TAFA2: variants seen among roughly 807,000 people sequenced by gnomAD.
TAFA2 encodes TAFA chemokine like family member 2.
In TAFA2, 7 loss-of-function variants were observed where a neutral mutation model predicts 18.8. That is an observed-to-expected ratio of 0.37 (90% confidence interval 0.21 to 0.70). The LOEUF (loss-of-function observed/expected upper bound fraction) is 0.70, where lower values mean the gene tolerates loss of function less well. Among genes scored for constraint, TAFA2 ranks in the 30% least tolerant of loss-of-function variants. The pLI is 0.53. For missense variants in TAFA2, 122 were observed against 158.1 expected (o/e 0.77, Z 1.23); for synonymous variants, 60 against 54.2 (o/e 1.11, Z -0.47).
At chr12:61,753,497 GA>G in intron 4 of TAFA2, 124 bp downstream of exon 4, 4 of 852,242 alleles carry the variant, frequency 4.7e-6, no homozygotes, top group Non-Finnish European at 7.0e-6. Flanking sequence ...AAAAAATGGG[GA>G]AAACATATCT....
intron 2 of TAFA2, among the ~76,000 whole-genome samples, chr12:61,842,887 T>C (rs1445486613): frequency 6.6e-6 from 1 of 152,040 alleles, no homozygotes; most frequent in African/African-American, 2.4e-5. Context: ...AATCTTTACT[T>C]AATATTGAAA....
intron 1 of TAFA2, among the ~76,000 whole-genome samples, chr12:62,032,641 A>G (rs1014502152): frequency 3.3e-5 from 5 of 151,970 alleles, no homozygotes; most frequent in Admixed American, 2.6e-4. Context: ...TTTTCCAGAA[A>G]CAACCCTCAT....
chr12:61,807,110 T>G (rs923502267), intron 2 of TAFA2, among the ~76,000 whole-genome samples: 1 of 148,960 alleles, frequency 6.7e-6, no homozygotes, highest in Admixed American at 6.6e-5. Context: ...GTCAGACGTC[T>G]TCATAGCAGG....
intron 2 of TAFA2, among the ~76,000 whole-genome samples, chr12:61,787,028 C>A (rs1415411337): frequency 1.9e-4 from 29 of 151,424 alleles, no homozygotes; most frequent in Non-Finnish European, 3.0e-5. Flanking sequence ...TAAGTAATCA[C>A]ATTAAATCAA....
At chr12:62,233,672 G>A (rs145056958) in intron 1 of TAFA2, among the ~76,000 whole-genome samples, 56 of 152,302 alleles carry the variant, frequency 3.7e-4, no homozygotes, top group Middle Eastern at 3.4e-3. Flanking sequence ...TCCATGGAAG[G>A]GATCTGGTGC....
At chr12:62,170,258 A>G (rs1592379835) in intron 1 of TAFA2, among the ~76,000 whole-genome samples, 2 of 152,326 alleles carry the variant, frequency 1.3e-5, no homozygotes, top group South Asian at 4.1e-4. Flanking sequence ...TAATAATAAT[A>G]ATAAGTAAAA....
At chr12:61,740,520 G>T (rs1419580890) in intron 4 of TAFA2, among the ~76,000 whole-genome samples, 1 of 151,764 alleles carries the variant, frequency 6.6e-6, no homozygotes, top group Non-Finnish European at 1.5e-5. Context: ...ATAGACACTG[G>T]AGACTCAGAA....
intron 1 of TAFA2, among the ~76,000 whole-genome samples, chr12:62,230,796 G>C (rs895383323): frequency 6.6e-6 from 1 of 152,062 alleles, no homozygotes; most frequent in African/African-American, 2.4e-5. Flanking sequence ...TCTTGCTTCG[G>C]CCTCTCAACT....
chr12:62,085,619 A>C (rs1018080966), intron 1 of TAFA2, among the ~76,000 whole-genome samples: 2 of 152,154 alleles, frequency 1.3e-5, no homozygotes, highest in East Asian at 1.9e-4. Context: ...TTGGAGATGG[A>C]ATGTAGTGTA....
intron 1 of TAFA2, among the ~76,000 whole-genome samples, chr12:62,059,019 C>T (rs927357430): frequency 3.3e-5 from 5 of 152,088 alleles, no homozygotes; most frequent in African/African-American, 1.2e-4. Flanking sequence ...AGGAGAATGG[C>T]GGGAACCCGG....
chr12:62,244,852 G>T (rs2062877767), intron 1 of TAFA2, among the ~76,000 whole-genome samples: 1 of 151,970 alleles, frequency 6.6e-6, no homozygotes, highest in African/African-American at 2.4e-5. Flanking sequence ...TGTCATTCAG[G>T]TCTCCTTTTT....
At chr12:62,220,120 T>TA (rs536022233) in intron 1 of TAFA2, among the ~76,000 whole-genome samples, 5 of 150,948 alleles carry the variant, frequency 3.3e-5, no homozygotes, top group East Asian at 1.9e-4. Flanking sequence ...AGCCACCAAA[T>TA]AAAAAAAACC....
chr12:61,974,019 A>AT (rs869059735), intron 1 of TAFA2, among the ~76,000 whole-genome samples: 3 of 151,768 alleles, frequency 2.0e-5, no homozygotes, highest in Non-Finnish European at 4.4e-5. Context: ...AGGAATGTGT[A>AT]TTATGTTATG....
At position 61,824,156 on chromosome 12, in the gene TAFA2, T is replaced by C. The variant is rs1872439565; in HGVS notation, c.106+43164A>G. ...AGTAACCTCCAGGAGCTGAGAGAAA[T>C]CTCAGTCCTACCACTTCAAGGAAAT... On this transcript the variant is annotated intron_variant, in intron 2 of 4. Coordinates refer to ENST00000416284, the MANE Select transcript of TAFA2 (RefSeq NM_178539.5). Among the ~76,000 whole-genome samples, 4 of 152,070 alleles carry C rather than the reference T, an allele frequency of 2.6e-5. No homozygotes were observed. In the South Asian group the frequency reaches 8.3e-4, roughly 32 times the overall value.
At chr12:61,810,186 C>T (rs982540138) in intron 2 of TAFA2, among the ~76,000 whole-genome samples, 2 of 151,436 alleles carry the variant, frequency 1.3e-5, no homozygotes, top group Non-Finnish European at 2.9e-5. Flanking sequence ...TCAAAATAAA[C>T]CATGCCCAAC....
chr12:62,254,264 C>T (rs2062927946), intron 1 of TAFA2, among the ~76,000 whole-genome samples: 1 of 152,120 alleles, frequency 6.6e-6, no homozygotes, highest in African/African-American at 2.4e-5. Flanking sequence ...ATATGAGTTT[C>T]ACATTCATTA....
chr12:62,020,706 ATGATTTCAG>A (rs1160067132), intron 1 of TAFA2, among the ~76,000 whole-genome samples: 3 of 152,182 alleles, frequency 2.0e-5, no homozygotes, highest in Non-Finnish European at 4.4e-5. Flanking sequence ...GTGTTTGAAA[ATGATTTCAG>A]TGAAAACACC....
intron 4 of TAFA2, among the ~76,000 whole-genome samples, chr12:61,738,355 T>A (rs967610683): frequency 1.4e-5 from 2 of 147,316 alleles, no homozygotes; most frequent in African/African-American, 5.0e-5. Context: ...CCCAGGCTAA[T>A]ACTCCTCCCT....
chr12:62,238,996 A>G (rs2136988532), intron 1 of TAFA2, among the ~76,000 whole-genome samples: 1 of 152,326 alleles, frequency 6.6e-6, no homozygotes, highest in South Asian at 2.1e-4. Context: ...GCACGTTTTT[A>G]TGAAACAGAA....
Sources: allele counts gnomAD v4.1 joint callset (sites outside exome capture counted in the v4.1 genomes callset), GRCh38; gene constraint gnomAD v4.1.1; transcripts MANE v1.5; gene names NCBI Gene and HGNC (gene_info 2026-07-23, HGNC 2026-07-21).